Variants in VWA3B observed in about 807,000 individuals in gnomAD.
The protein encoded by VWA3B is von Willebrand factor A domain containing 3B, also known as von Willebrand factor A domain-containing protein 3B.
A neutral mutation model predicts 158.3 loss-of-function variants in VWA3B; 138 were observed. The ratio of observed to expected loss-of-function variants is 0.87; its 90% confidence interval spans 0.76 to 1.00. The LOEUF is 1.00. Among genes scored for constraint, VWA3B ranks in the 50% least tolerant of loss-of-function variants. VWA3B has a pLI of 0.00. For synonymous variants in VWA3B, 596 were observed against 587.3 expected, an observed-to-expected ratio of 1.01 and a Z score of -0.21; for missense variants, 1,555 against 1,565.1, an observed-to-expected ratio of 0.99 and a Z score of 0.11.
At chr2:98,190,570 T>C (rs1681493126) in intron 10 of VWA3B, among the ~76,000 whole-genome samples, 1 of 152,200 alleles carries the variant, frequency 6.6e-6, no homozygotes, top group African/African-American at 2.4e-5. Context: ...ATGAATGAGC[T>C]GTTTCAGTCT....
chr2:98,222,058 G>A (rs1684552537), intron 14 of VWA3B, among the ~76,000 whole-genome samples: 1 of 152,162 alleles, frequency 6.6e-6, no homozygotes, highest in South Asian at 2.1e-4. Context: ...GAGAAAGTGT[G>A]AAACAGGACT....
At chr2:98,259,443 T>G (rs1214705266) in intron 21 of VWA3B, among the ~76,000 whole-genome samples, 6 of 151,786 alleles carry the variant, frequency 4.0e-5, no homozygotes, top group African/African-American at 1.4e-4. Context: ...TATAGGCTGT[T>G]GAGTTTATCT....
At position 98,218,829 on chromosome 2, in the gene VWA3B, T is replaced by C. The variant is rs138761638; in HGVS notation, c.2019+801T>C. On this transcript the variant is annotated intron_variant, in intron 14 of 27. Coordinates refer to ENST00000477737, the MANE Select transcript of VWA3B (RefSeq NM_144992.5). ...TAGGGAATGAATCATCCAAAAAACA[T>C]TGGAGGGACCAGTGCTTTAAGCTCA... Among the ~76,000 whole-genome samples the C allele has an allele frequency of 3.2e-3, 489 of 152,224 alleles. 7 individuals carry two copies. The highest frequency in any genetic ancestry group is 9.8e-3 in the African/African-American group (409 of 41,534).
intron 22 of VWA3B, among the ~76,000 whole-genome samples, chr2:98,282,686 G>A (rs1328237466): frequency 3.3e-5 from 5 of 151,992 alleles, no homozygotes; most frequent in South Asian, 2.1e-4. Context: ...GGATTCACCC[G>A]CCTCAGCCAC....
Position 98,236,875 on chromosome 2 carries a change from G to A in VWA3B, c.2673+145G>A, listed in dbSNP as rs143332750. 163 of 1,210,362 alleles carry A rather than the reference G, an allele frequency of 1.3e-4. 1 individual carries two copies. The African/African-American group carries it at 2.1e-3, about 16-fold the overall frequency. The allele number at this position is 1,210,362 out of a possible 1,614,324, so 75.0% of individuals were successfully genotyped here. On this transcript the variant is annotated intron_variant, in intron 19 of 27. Transcript: ENST00000477737. ...GTATTTGTAAAGGCAGTAAAAGGGA[G>A]AGAGAGAGGCTTTTAAGAATTTGGG...
At chr2:98,190,675 C>A (rs1400934295) in intron 10 of VWA3B, among the ~76,000 whole-genome samples, 4 of 152,146 alleles carry the variant, frequency 2.6e-5, no homozygotes, top group African/African-American at 9.7e-5. Flanking sequence ...CTTTGAAAAT[C>A]CTTCTCCATT....
intron 19 of VWA3B, among the ~76,000 whole-genome samples, chr2:98,241,875 C>A (rs1686094512): frequency 6.6e-6 from 1 of 152,148 alleles, no homozygotes. Flanking sequence ...CAGTGATCTC[C>A]AGTCTCACAT....
At chr2:98,209,753 G>T (rs563362721) in intron 12 of VWA3B, among the ~76,000 whole-genome samples, 2 of 152,146 alleles carry the variant, frequency 1.3e-5, no homozygotes, top group Non-Finnish European at 2.9e-5. Context: ...TTTCTCATTC[G>T]AATGTGATAT....
intron 24 of VWA3B, 76 bp downstream of exon 24, chr2:98,298,107 C>G (rs1457733937): frequency 1.2e-5 from 16 of 1,353,702 alleles, no homozygotes; most frequent in Non-Finnish European, 1.5e-5. Flanking sequence ...GCCAAGGCCA[C>G]TGTTTGGCCC....
intron 16 of VWA3B, among the ~76,000 whole-genome samples, chr2:98,232,069 T>C (rs1237080747): frequency 1.3e-5 from 2 of 152,234 alleles, no homozygotes; most frequent in Admixed American, 6.5e-5. Context: ...GAAATTCATG[T>C]AATTCTTCTT....
At chr2:98,186,602 C>T (rs1574022988) in intron 9 of VWA3B, among the ~76,000 whole-genome samples, 1 of 151,998 alleles carries the variant, frequency 6.6e-6, no homozygotes, top group East Asian at 1.9e-4. Flanking sequence ...CCTGACTCCT[C>T]TCTTTTCTCA....
intron 10 of VWA3B, among the ~76,000 whole-genome samples, chr2:98,188,959 A>T (rs1437655268): frequency 6.6e-6 from 1 of 152,208 alleles, no homozygotes; most frequent in Admixed American, 6.5e-5. Context: ...ATTCTTTTCT[A>T]GGCCACACGT....
chr2:98,186,908 C>T (rs1312106350), intron 9 of VWA3B, among the ~76,000 whole-genome samples: 1 of 152,134 alleles, frequency 6.6e-6, no homozygotes, highest in Non-Finnish European at 1.5e-5. Flanking sequence ...AGCTGTCAGG[C>T]TTTACGGGAC....
intron 25 of VWA3B, among the ~76,000 whole-genome samples, chr2:98,300,435 C>T (rs1690106383): frequency 6.6e-6 from 1 of 152,204 alleles, no homozygotes; most frequent in Non-Finnish European, 1.5e-5. Flanking sequence ...CTTTGGCTCC[C>T]ACTGCTGAAC....
At chr2:98,186,188 A>G (rs1371263109) in intron 9 of VWA3B, among the ~76,000 whole-genome samples, 2 of 138,346 alleles carry the variant, frequency 1.4e-5, no homozygotes, top group African/African-American at 5.4e-5. Flanking sequence ...CAGAATATAC[A>G]CTGCTGGTTA....
intron 19 of VWA3B, among the ~76,000 whole-genome samples, chr2:98,240,474 A>T (rs1282581184): frequency 6.6e-6 from 1 of 152,186 alleles, no homozygotes; most frequent in Non-Finnish European, 1.5e-5. Context: ...CTCAAGTCAG[A>T]TGGCTGGACC....
At chr2:98,314,633 C>G (rs538379810), downstream of VWA3B, among the ~76,000 whole-genome samples, 35 of 152,158 alleles carry the variant, frequency 2.3e-4, no homozygotes, top group Non-Finnish European at 4.7e-4. Flanking sequence ...CAAAAATATC[C>G]ATCATCCAAC....
chr2:98,323,786 G>T, the VWA3B span, among the ~76,000 whole-genome samples: 1 of 152,166 alleles, frequency 6.6e-6, no homozygotes, highest in African/African-American at 2.4e-5. Flanking sequence ...AAAAAGAAAA[G>T]AATTTAAGAA....
chr2:98,220,211 C>A (rs981845064), intron 14 of VWA3B, among the ~76,000 whole-genome samples: 15 of 145,600 alleles, frequency 1.0e-4, no homozygotes, highest in Non-Finnish European at 2.0e-4. Context: ...TAAAAGAATT[C>A]ATCACCAACA....
Sources: gnomAD v4.1 joint callset for allele counts (sites outside exome capture counted in the v4.1 genomes callset) on GRCh38, gnomAD v4.1.1 for gene constraint, MANE v1.5 for transcripts, NCBI Gene and HGNC (gene_info 2026-07-23, HGNC 2026-07-21) for gene names.